The following TRPM7 variants were observed in gnomAD, a reference collection of about 807,000 sequenced individuals.
TRPM7 encodes LTRPC ion channel family member 7.
Under a neutral mutation model 229.7 loss-of-function variants are expected in TRPM7, and 134 were observed. That is an observed-to-expected ratio of 0.58 (90% confidence interval 0.51 to 0.67). The LOEUF is 0.67. TRPM7 is among the 30% of genes least tolerant of loss of function. TRPM7 has a pLI of 0.00. For synonymous variants in TRPM7, 699 were observed against 715.2 expected, an observed-to-expected ratio of 0.98 and a Z score of 0.36; for missense variants, 1,901 against 2,210.0, an observed-to-expected ratio of 0.86 and a Z score of 2.80.
At chr15:50,684,564 C>T (rs2062317171) in intron 1 of TRPM7, among the ~76,000 whole-genome samples, 1 of 151,880 alleles carries the variant, frequency 6.6e-6, no homozygotes, top group Non-Finnish European at 1.5e-5. Flanking sequence ...TCACTTGAAC[C>T]CAGGAGGCGG....
intron 12 of TRPM7, among the ~76,000 whole-genome samples, chr15:50,621,157 CAAAAAAAAA>C (rs35848629): frequency 1.9e-5 from 1 of 51,828 alleles, no homozygotes; most frequent in Non-Finnish European, 3.9e-5. Context: ...GACTCCGTCT[CAAAAAAAAA>C]AAAAAAAAAA....
intron 23 of TRPM7, among the ~76,000 whole-genome samples, chr15:50,595,189 T>A (rs2059601512): frequency 6.6e-6 from 1 of 151,860 alleles, no homozygotes; most frequent in Admixed American, 6.6e-5. Context: ...GGCAACAGGC[T>A]GTCTCAAAAA....
chr15:50,639,903 G>C (rs1297452562), intron 5 of TRPM7, among the ~76,000 whole-genome samples: 1 of 146,126 alleles, frequency 6.8e-6, no homozygotes, highest in Non-Finnish European at 1.5e-5. Flanking sequence ...CAAGATATAA[G>C]GCAACAAGGT....
At chr15:50,575,609 GA>G in intron 33 of TRPM7, 114 bp downstream of exon 33, 2 of 887,196 alleles carry the variant, frequency 2.3e-6, no homozygotes, top group Admixed American at 2.8e-5. Flanking sequence ...GATTAATCAA[GA>G]ATTTATTTGA....
intron 21 of TRPM7, among the ~76,000 whole-genome samples, chr15:50,603,462 C>A (rs773188520): frequency 7.2e-5 from 11 of 151,794 alleles, no homozygotes; most frequent in African/African-American, 1.2e-4. Context: ...CCCTGCCCCC[C>A]ACCCCATGAC....
At chr15:50,628,295 C>A in intron 10 of TRPM7, 46 bp from the exon 11 acceptor site, 2 of 1,383,690 alleles carry the variant, frequency 1.4e-6, no homozygotes, top group Admixed American at 1.9e-5. Context: ...TAATTTATCT[C>A]CATTAAAAGG....
At chr15:50,652,525 CAAAAA>C (rs71127103) in intron 3 of TRPM7, among the ~76,000 whole-genome samples, 1 of 128,086 alleles carries the variant, frequency 7.8e-6, no homozygotes, top group Non-Finnish European at 1.6e-5. Flanking sequence ...GACTCTGTCT[CAAAAA>C]AAAAAAAAAA....
intron 1 of TRPM7, among the ~76,000 whole-genome samples, chr15:50,679,783 C>T (rs2062203387): frequency 6.6e-6 from 1 of 151,696 alleles, no homozygotes; most frequent in Non-Finnish European, 1.5e-5. Context: ...AATCCTCCCG[C>T]CTCAGCCTCC....
intron 38 of TRPM7, among the ~76,000 whole-genome samples, chr15:50,562,781 A>C (rs2053379579): frequency 6.6e-6 from 1 of 152,048 alleles, no homozygotes; most frequent in South Asian, 2.1e-4. Flanking sequence ...TCAAAAAAAA[A>C]AAAAAAAGTG....
chr15:50,596,965 G>C (rs1015419189), intron 22 of TRPM7, among the ~76,000 whole-genome samples: 1 of 152,154 alleles, frequency 6.6e-6, no homozygotes, highest in Non-Finnish European at 1.5e-5. Context: ...GGCCAGGCTG[G>C]TCTCGAACTC....
rs551265117 is a variant in TRPM7, at chr15:50,618,473, G to A, written c.1494+1272C>T. On this transcript the variant is annotated intron_variant, in intron 13 of 38. Coordinates refer to ENST00000646667, the MANE Select transcript of TRPM7 (RefSeq NM_017672.6). ...TAGTCCCAGCTACTTGGGAGGCTGA[G>A]GCAAGAGAATGGTGTGAACCTGGGA... Among the ~76,000 whole-genome samples the A allele has an allele frequency of 1.7e-4, 26 of 152,046 alleles. No individual in the cohort carries two copies. The East Asian group carries it at 4.8e-3, about 28-fold the overall frequency.
At chr15:50,618,749 G>A (rs1441059728) in intron 13 of TRPM7, among the ~76,000 whole-genome samples, 2 of 152,078 alleles carry the variant, frequency 1.3e-5, no homozygotes, top group African/African-American at 2.4e-5. Flanking sequence ...CCCACAGGTA[G>A]TTGTTCAACC....
At chr15:50,631,303 T>A (rs1180195799) in intron 10 of TRPM7, 114 bp downstream of exon 10, 1 of 466,604 alleles carries the variant, frequency 2.1e-6, no homozygotes, top group African/African-American at 2.0e-5. Context: ...TGCAAGCATT[T>A]AGCCATGGTA....
Position 50,580,858 on chromosome 15 carries a change from G to C in TRPM7, c.4592+16C>G. 1 of 1,580,144 alleles carries C rather than the reference G, an allele frequency of 6.3e-7. No homozygotes were observed. Among genetic ancestry groups the C allele is most frequent in the Non-Finnish European group, 8.5e-7 (1 of 1,169,878 alleles). On this transcript the variant is annotated intron_variant, in intron 30 of 38. Coordinates refer to ENST00000646667, the MANE Select transcript of TRPM7 (RefSeq NM_017672.6). ...ATGATACTTCGCAAGCTAATGGTAA[G>C]AAAAAGCTTACTTACATTTCTCTGT...
chr15:50,667,688 C>T (rs1266013415), intron 1 of TRPM7, among the ~76,000 whole-genome samples: 1 of 152,082 alleles, frequency 6.6e-6, no homozygotes, highest in African/African-American at 2.4e-5. Flanking sequence ...GCCTGGGCAA[C>T]AGAAGGAGAC....
intron 21 of TRPM7, chr15:50,604,158 C>T (rs1304978491): frequency 6.6e-6 from 1 of 152,162 alleles, no homozygotes; most frequent in Non-Finnish European, 1.5e-5. Context: ...ACACATTCAA[C>T]TTGACATCTA....
Position 50,682,953 on chromosome 15 carries a change from G to A in TRPM7, c.3+3578C>T, listed in dbSNP as rs2062274548. Among the ~76,000 whole-genome samples the A allele has an allele frequency of 6.6e-5, 10 of 150,886 alleles. No homozygotes were observed. In the Admixed American group the frequency reaches 6.6e-4, roughly 10 times the overall value. ...GTTCTGTTACCCAGGCTGGAGTGCA[G>A]TGGCATGATCTCAGCTCACTGCAAC... On this transcript the variant is annotated intron_variant, in intron 1 of 38. Coordinates refer to ENST00000646667, the MANE Select transcript of TRPM7 (RefSeq NM_017672.6).
intron 3 of TRPM7, among the ~76,000 whole-genome samples, chr15:50,655,162 G>A (rs142443244): frequency 0.021 from 3,080 of 149,108 alleles, 124 homozygotes; most frequent in Admixed American, 0.033. Flanking sequence ...CTGGCCAAAT[G>A]CAGTGGCTCA....
chr15:50,618,798 C>A (rs940474297), intron 13 of TRPM7, among the ~76,000 whole-genome samples: 2 of 151,978 alleles, frequency 1.3e-5, no homozygotes, highest in African/African-American at 4.8e-5. Context: ...TTTGTAAAGT[C>A]TCCAATGTCT....
Sources: allele counts gnomAD v4.1 joint callset (sites outside exome capture counted in the v4.1 genomes callset), GRCh38; gene constraint gnomAD v4.1.1; transcripts MANE v1.5; gene names NCBI Gene and HGNC (gene_info 2026-07-23, HGNC 2026-07-21).